DESI2: variants seen among roughly 807,000 people sequenced by gnomAD.
The protein encoded by DESI2 is desumoylating isopeptidase 2.
Under a neutral mutation model 24.1 loss-of-function variants are expected in DESI2, and 10 were observed. The observed-to-expected ratio is 0.41, with a 90% CI of 0.26 to 0.70. The LOEUF (loss-of-function observed/expected upper bound fraction) is 0.70, where lower values mean the gene tolerates loss of function less well. DESI2 is among the 30% of genes least tolerant of loss of function. The pLI is 0.29. For missense variants in DESI2, 122 were observed against 234.9 expected, an observed-to-expected ratio of 0.52 and a Z score of 3.14; for synonymous variants, 71 against 87.7, an observed-to-expected ratio of 0.81 and a Z score of 1.06.
chr1:244,686,938 T>C (rs1272572863), intron 2 of DESI2, among the ~76,000 whole-genome samples: 1 of 152,222 alleles, frequency 6.6e-6, no homozygotes, highest in African/African-American at 2.4e-5. Flanking sequence ...TTAAAAAATA[T>C]TTTCCTTTTG....
chr1:244,673,368 G>A (rs1676310978), intron 1 of DESI2, among the ~76,000 whole-genome samples: 1 of 152,192 alleles, frequency 6.6e-6, no homozygotes, highest in African/African-American at 2.4e-5. Flanking sequence ...GCTTCATAAT[G>A]TATATTCTAA....
Position 244,689,595 on chromosome 1 carries a change from C to T in DESI2, c.209+253C>T, listed in dbSNP as rs1436548650. ...CGTGATCTCAGCTCACTGCAGCGTC[C>T]GCCTTCTAGGTTCAAGCGATTCTCC... On this transcript the variant is annotated intron_variant, in intron 3 of 4. Coordinates refer to ENST00000302550, the MANE Select transcript of DESI2 (RefSeq NM_016076.5). This position sits in a 1 kb window ranked among gnomAD's most constrained non-coding sequence, Gnocchi z 4.0. 6.6e-6 allele frequency among the ~76,000 whole-genome samples: 1 copy of T among 152,020 alleles called. No homozygotes were observed. The highest frequency in any genetic ancestry group is 2.4e-5 in the African/African-American group (1 of 41,392).
intron 1 of DESI2, among the ~76,000 whole-genome samples, chr1:244,684,707 T>C (rs1449187791): frequency 6.6e-6 from 1 of 152,206 alleles, no homozygotes; most frequent in East Asian, 1.9e-4. Flanking sequence ...ATATTTAGAC[T>C]TCAGTTTTTC....
chr1:244,677,321 A>G (rs1676446611), intron 1 of DESI2, among the ~76,000 whole-genome samples: 1 of 152,224 alleles, frequency 6.6e-6, no homozygotes, highest in South Asian at 2.1e-4. Flanking sequence ...CAGTTATATA[A>G]TTTGTTGGCA....
At position 244,707,710 on chromosome 1, in the gene DESI2, GACAC is replaced by G; in HGVS notation, c.*1929_*1932del. On this transcript the variant is annotated 3_prime_UTR_variant, in exon 5 of 5. Transcript: ENST00000302550. ...ATATATGATTTAAACCTGGGCTACT[GACAC>G]ACACACAGTAGCCATTAGTTAGACT... is the stretch of plus-strand genomic sequence containing the variant. The G allele has an allele frequency of 6.6e-6, 1 of 152,252 alleles. No homozygotes were observed. The highest frequency in any genetic ancestry group is 1.9e-4 in the East Asian group (1 of 5,188). The allele number at this position is 152,252 out of a possible 1,614,324, so 9.4% of individuals were successfully genotyped here.
Position 244,708,218 on chromosome 1 carries a change from G to A in DESI2, c.*2429G>A, listed in dbSNP as rs1677785598. The A allele has an allele frequency of 6.6e-6, 1 of 152,418 alleles. No homozygotes were observed. Among genetic ancestry groups the A allele is most frequent in the African/African-American group, 2.4e-5 (1 of 41,444 alleles). The allele number at this position is 152,418 out of a possible 1,614,324, so 9.4% of individuals were successfully genotyped here. A position where few individuals can be genotyped will look rare whatever the true frequency, so the allele number is the denominator to read the frequency against. Reference sequence around the variant, plus strand: ...TACGGAGTCTCTTTGTTGTCACCAAGTGAACATACTTCTCATGGTGGGTTG... The same window carrying A: ...TACGGAGTCTCTTTGTTGTCACCAAATGAACATACTTCTCATGGTGGGTTG... On this transcript the variant is annotated 3_prime_UTR_variant, in exon 5 of 5. Transcript: ENST00000302550.
chr1:244,653,435 G>C, intron 1 of DESI2, 80 bp downstream of exon 1: 1 of 1,429,052 alleles, frequency 7.0e-7, no homozygotes, highest in Non-Finnish European at 9.4e-7. Flanking sequence ...CCCGGCCCCA[G>C]GCGCTTCCTG....
chr1:244,653,267 C>T lies in DESI2; in HGVS notation c.-47C>T. On this transcript the variant is annotated 5_prime_UTR_variant, in exon 1 of 5. Transcript: ENST00000302550. ...GGGGTGAGAGCGGCCTCCGGCCCCG[C>T]GGAGACGGAGCGGCTTGAGGACGAG... 1 of 1,466,054 alleles carries T rather than the reference C, an allele frequency of 6.8e-7. No individual in the cohort carries two copies. The highest frequency in any genetic ancestry group is 2.8e-5 in the East Asian group (1 of 36,232). 90.8% of individuals were successfully genotyped at this position (1,466,054 alleles called of 1,614,324 possible). A position where few individuals can be genotyped will look rare whatever the true frequency, so the allele number is the denominator to read the frequency against.
chr1:244,659,820 A>G (rs185398009), intron 1 of DESI2, among the ~76,000 whole-genome samples: 2 of 152,336 alleles, frequency 1.3e-5, no homozygotes, highest in South Asian at 2.1e-4. Context: ...CCATCTATGA[A>G]AGGTGTTTTG....
intron 4 of DESI2, among the ~76,000 whole-genome samples, chr1:244,698,861 T>G (rs1176540291): frequency 6.6e-6 from 1 of 152,208 alleles, no homozygotes; most frequent in Admixed American, 6.5e-5. Context: ...GCTGATCTGT[T>G]CTGTATTTCT....
intron 1 of DESI2, chr1:244,654,082 A>G (rs1675563982): frequency 2.1e-6 from 1 of 465,668 alleles, no homozygotes; most frequent in Non-Finnish European, 4.5e-6. Context: ...TGTTTATTGT[A>G]TCATCTAACT....
intron 1 of DESI2, among the ~76,000 whole-genome samples, chr1:244,666,269 T>C (rs762436437): frequency 6.6e-6 from 1 of 152,248 alleles, no homozygotes; most frequent in Non-Finnish European, 1.5e-5. Context: ...TCTGATCATA[T>C]GGAATGAATT....
rs971739020 is a variant in DESI2, at chr1:244,706,787, T to A, written c.*998T>A. ...AAGTAGTTCTTTGATATTTTATACT[T>A]TTTATGTACCATGTCAGAAAGAGTA... On this transcript the variant is annotated 3_prime_UTR_variant, in exon 5 of 5. Transcript: ENST00000302550. 1 of 152,722 alleles carries A rather than the reference T, an allele frequency of 6.5e-6. No individual in the cohort carries two copies. The highest frequency in any genetic ancestry group is 1.9e-4 in the East Asian group (1 of 5,188). 9.5% of individuals were successfully genotyped at this position (152,722 alleles called of 1,614,324 possible). A position where few individuals can be genotyped will look rare whatever the true frequency, so the allele number is the denominator to read the frequency against.
At chr1:244,693,096 G>C in intron 4 of DESI2, among the ~76,000 whole-genome samples, 1 of 152,186 alleles carries the variant, frequency 6.6e-6, no homozygotes, top group East Asian at 1.9e-4. Context: ...TGGAGAAATA[G>C]ACAGCATCCT....
chr1:244,654,571 A>G (rs1675581365), intron 1 of DESI2, among the ~76,000 whole-genome samples: 1 of 152,196 alleles, frequency 6.6e-6, no homozygotes, highest in African/African-American at 2.4e-5. Context: ...GAGCCTGGAG[A>G]TGAAAGGAGA....
chr1:244,658,828 G>C (rs1422911418), intron 1 of DESI2, among the ~76,000 whole-genome samples: 1 of 152,030 alleles, frequency 6.6e-6, no homozygotes, highest in East Asian at 1.9e-4. Flanking sequence ...TTATAGGAAT[G>C]GGACAGAAAA....
chr1:244,653,624 C>T (rs1675540552), intron 1 of DESI2: 1 of 519,236 alleles, frequency 1.9e-6, no homozygotes, highest in Non-Finnish European at 3.4e-6. Context: ...GACCCGACCC[C>T]GGCTCTGGGC....
chr1:244,701,216 C>G (rs1677444021), intron 4 of DESI2, among the ~76,000 whole-genome samples: 2 of 2,314 alleles, frequency 8.6e-4, no homozygotes, highest in Non-Finnish European at 5.3e-3. Flanking sequence ...TTCCCCTCCA[C>G]CCCCCCCCCC....
At chr1:244,658,060 G>A (rs746195803) in intron 1 of DESI2, among the ~76,000 whole-genome samples, 1 of 152,080 alleles carries the variant, frequency 6.6e-6, no homozygotes, top group Non-Finnish European at 1.5e-5. Flanking sequence ...TATTTAAATC[G>A]GTTACTTTAT....
Sources: gnomAD v4.1 joint callset for allele counts (sites outside exome capture counted in the v4.1 genomes callset) on GRCh38, gnomAD v4.1.1 for gene constraint, Gnocchi (gnomAD v3.1) non-coding constraint, MANE v1.5 for transcripts, NCBI Gene and HGNC (gene_info 2026-07-23, HGNC 2026-07-21) for gene names.